The following CD200R1 variants were observed in gnomAD, a reference collection of about 807,000 sequenced individuals.
CD200R1 encodes the protein CD200 receptor 1.
Under a neutral mutation model 38.1 loss-of-function variants are expected in CD200R1, and 30 were observed. The observed-to-expected ratio is 0.79, with a 90% CI of 0.59 to 1.07. The LOEUF (loss-of-function observed/expected upper bound fraction) is 1.07, where lower values mean the gene tolerates loss of function less well. CD200R1 is among the 50% of genes least tolerant of loss of function. CD200R1 has a pLI of 0.00. For synonymous variants in CD200R1, 128 were observed against 152.1 expected (o/e 0.84, Z 1.16); for missense variants, 372 against 415.4 (o/e 0.90, Z 0.91).
chr3:112,965,725 C>A (rs1254367784), intron 1 of CD200R1, among the ~76,000 whole-genome samples: 1 of 151,928 alleles, frequency 6.6e-6, no homozygotes, highest in African/African-American at 2.4e-5. Flanking sequence ...CGCACCACTG[C>A]ACTCGAGCCT....
intron 2 of CD200R1, among the ~76,000 whole-genome samples, chr3:112,941,433 A>C (rs546839449): frequency 2.0e-4 from 31 of 151,742 alleles, no homozygotes; most frequent in South Asian, 1.2e-3. Flanking sequence ...ATTATGTGTC[A>C]GTTAAAATTA....
chr3:112,930,738 A>C (rs1940410542), intron 3 of CD200R1, among the ~76,000 whole-genome samples: 1 of 152,234 alleles, frequency 6.6e-6, no homozygotes, highest in South Asian at 2.1e-4. Flanking sequence ...CATCTTTCCT[A>C]TCCTGTTTTG....
chr3:112,965,424 A>C (rs1330664639), intron 1 of CD200R1, among the ~76,000 whole-genome samples: 1 of 152,162 alleles, frequency 6.6e-6, no homozygotes, highest in Non-Finnish European at 1.5e-5. Flanking sequence ...TTAAACTTGA[A>C]AGAGAGAGAG....
chr3:112,935,208 T>C (rs182304818), intron 2 of CD200R1, among the ~76,000 whole-genome samples: 6 of 152,268 alleles, frequency 3.9e-5, no homozygotes, highest in East Asian at 3.9e-4. Flanking sequence ...TCAAGAAACA[T>C]TGGATCTAAA....
intron 1 of CD200R1, among the ~76,000 whole-genome samples, chr3:112,954,487 T>A (rs1175329350): frequency 6.6e-6 from 1 of 152,224 alleles, no homozygotes; most frequent in East Asian, 1.9e-4. Context: ...AACTTCAGGA[T>A]GGTGGCTGGT....
At chr3:112,953,316 T>A (rs1411098109) in intron 1 of CD200R1, among the ~76,000 whole-genome samples, 1 of 152,226 alleles carries the variant, frequency 6.6e-6, no homozygotes, top group Non-Finnish European at 1.5e-5. Context: ...TTGATCATGA[T>A]GAATGGTCTT....
At chr3:112,943,049 C>T (rs1940764438) in intron 2 of CD200R1, among the ~76,000 whole-genome samples, 1 of 151,668 alleles carries the variant, frequency 6.6e-6, no homozygotes, top group East Asian at 1.9e-4. Context: ...TTCAATACCC[C>T]TCTATTAGAA....
At chr3:112,960,473 G>C (rs995849263) in intron 1 of CD200R1, among the ~76,000 whole-genome samples, 1 of 151,696 alleles carries the variant, frequency 6.6e-6, no homozygotes, top group African/African-American at 2.4e-5. Context: ...TGAAATTTTA[G>C]GATAAAAGTT....
chr3:112,926,864 G>T (rs200816409), intron 5 of CD200R1, among the ~76,000 whole-genome samples: 4 of 149,644 alleles, frequency 2.7e-5, no homozygotes, highest in Non-Finnish European at 6.0e-5. Flanking sequence ...AGTGAGAAAT[G>T]AATAGAAAAC....
intron 1 of CD200R1, among the ~76,000 whole-genome samples, chr3:112,960,378 G>A (rs140362154): frequency 3.3e-5 from 5 of 151,946 alleles, no homozygotes; most frequent in East Asian, 1.9e-4. Context: ...AGTTGAAATC[G>A]TAAATATGAG....
intron 2 of CD200R1, among the ~76,000 whole-genome samples, chr3:112,936,725 A>G (rs1940592486): frequency 6.6e-6 from 1 of 152,174 alleles, no homozygotes; most frequent in South Asian, 2.1e-4. Flanking sequence ...AATAGATTAT[A>G]AAACTTTTCT....
chr3:112,968,732 A>G (rs1408053777), intron 1 of CD200R1, among the ~76,000 whole-genome samples: 8 of 152,172 alleles, frequency 5.3e-5, no homozygotes, highest in East Asian at 1.9e-4. Flanking sequence ...CATACACTCT[A>G]CCCATATCTC....
chr3:112,963,850 C>T (rs1043937234), intron 1 of CD200R1, among the ~76,000 whole-genome samples: 18 of 152,168 alleles, frequency 1.2e-4, no homozygotes, highest in Admixed American at 4.6e-4. Flanking sequence ...GCAGCCCCTC[C>T]CATCACAGGC....
In CD200R1 at chr3:112,941,160, GA is replaced by G. The variant is rs1365401495; in HGVS notation, c.136+6695del. On this transcript the variant is annotated intron_variant, in intron 2 of 7. Coordinates refer to ENST00000308611, the MANE Select transcript of CD200R1 (RefSeq NM_138806.4). ...CTTCTATAGACTACAAAGGGTAAGGGAAAGGGGGGAATAGAGGAAATTTGTT... is the reference window on the plus strand; with the variant it reads ...CTTCTATAGACTACAAAGGGTAAGGGAAGGGGGGAATAGAGGAAATTTGTT... 2.0e-5 allele frequency among the ~76,000 whole-genome samples: 3 copies of G among 151,814 alleles called. No homozygotes were observed. In the East Asian group the frequency reaches 5.8e-4, roughly 29 times the overall value.
intron 1 of CD200R1, among the ~76,000 whole-genome samples, chr3:112,955,888 G>A (rs757590327): frequency 1.3e-5 from 2 of 151,206 alleles, no homozygotes; most frequent in Non-Finnish European, 2.9e-5. Flanking sequence ...ATTTGAGCCC[G>A]TTTTTATGTT....
At chr3:112,962,892 G>GT (rs1340485161) in intron 1 of CD200R1, among the ~76,000 whole-genome samples, 2 of 152,198 alleles carry the variant, frequency 1.3e-5, no homozygotes, top group African/African-American at 4.8e-5. Flanking sequence ...AAGTGATATG[G>GT]TTTGGCTGTG....
chr3:112,927,413 G>A (rs1184688863), intron 5 of CD200R1, among the ~76,000 whole-genome samples: 1 of 151,680 alleles, frequency 6.6e-6, no homozygotes. Context: ...AAAAATCACA[G>A]CTTCTTTTCA....
At chr3:112,929,574 C>T in intron 3 of CD200R1, 67 bp from the exon 4 acceptor site, 2 of 1,376,154 alleles carry the variant, frequency 1.5e-6, no homozygotes, top group Non-Finnish European at 2.0e-6. Context: ...CATTTATCCA[C>T]AACATATGAA....
chr3:112,923,330 A>G lies in CD200R1; in HGVS notation c.*347T>C, dbSNP rs1559942450. The G allele has an allele frequency of 1.1e-5, 2 of 179,538 alleles. No homozygotes were observed. Among genetic ancestry groups the G allele is most frequent in the African/African-American group, 2.4e-5 (1 of 41,708 alleles). The allele number at this position is 179,538 out of a possible 1,614,324, so 11.1% of individuals were successfully genotyped here. On this transcript the variant is annotated 3_prime_UTR_variant, in exon 8 of 8. Coordinates refer to ENST00000308611, the MANE Select transcript of CD200R1 (RefSeq NM_138806.4). ...ACACATGTCATATGTACATTAAAATATTCTGAAAGGATACACAAGAAACTG... is the reference window on the plus strand; with the variant it reads ...ACACATGTCATATGTACATTAAAATGTTCTGAAAGGATACACAAGAAACTG...
Sources: allele counts gnomAD v4.1 joint callset (sites outside exome capture counted in the v4.1 genomes callset), GRCh38; gene constraint gnomAD v4.1.1; transcripts MANE v1.5; gene names NCBI Gene and HGNC (gene_info 2026-07-23, HGNC 2026-07-21).